TAF4: variants seen among roughly 807,000 people sequenced by gnomAD.
The protein encoded by TAF4 is TATA-box binding protein associated factor 4, also known as transcription initiation factor TFIID subunit 4.
In TAF4, 9 loss-of-function variants were observed where a neutral mutation model predicts 90.3. The ratio of observed to expected loss-of-function variants is 0.10; its 90% CI spans 0.06 to 0.17. The LOEUF (loss-of-function observed/expected upper bound fraction) is 0.17. Among genes scored for constraint, TAF4 ranks in the 10% least tolerant of loss-of-function variants. The pLI is 1.00. For missense variants in TAF4, 1,351 were observed against 1,370.7 expected (o/e 0.99, Z 0.23); for synonymous variants, 818 against 638.9 (o/e 1.28, Z -4.23).
intron 1 of TAF4, 112 bp from the exon 2 acceptor site, chr20:62,014,819 A>G: frequency 6.9e-7 from 1 of 1,447,052 alleles, no homozygotes; most frequent in Admixed American, 2.3e-5. Flanking sequence ...AAAGGAAATC[A>G]AGTCTTAAAC....
At chr20:61,985,780 T>C (rs1238418913) in intron 14 of TAF4, among the ~76,000 whole-genome samples, 1 of 150,080 alleles carries the variant, frequency 6.7e-6, no homozygotes, top group Non-Finnish European at 1.5e-5. Context: ...TGCAGACGAG[T>C]GTTTGTGTGT....
Position 62,064,507 on chromosome 20 carries a change from C to T in TAF4, c.1304G>A (p.Arg435His), listed in dbSNP as rs1568946663. ...ATLTPTVLAP[R>H]LPQPPQNPTN... ...CGGGTTCTGAGGCGGCTGCGGCAAG[C>T]GGGGGGCCAGCACGGTGGGCGTCAG... is the stretch of plus-strand genomic sequence containing the variant. Residue 435 changes from arginine (R) to histidine (H), a missense_variant, in exon 1 of 15, where the codon CGC (arginine) becomes CAC (histidine). By Grantham distance (29) the Arg-to-His change is conservative. This residue lies in a region of TAF4 where 782 missense variants were observed against 536.6 expected (regional missense o/e 1.46). Coordinates refer to ENST00000252996, the MANE Select transcript of TAF4 (RefSeq NM_003185.4). The T allele has an allele frequency of 2.0e-6, 3 of 1,517,266 alleles. No individual in the cohort carries two copies. The highest frequency in any genetic ancestry group is 2.6e-6 in the Non-Finnish European group (3 of 1,134,612). 94.0% of individuals were successfully genotyped at this position (1,517,266 alleles called of 1,614,324 possible).
At chr20:62,039,695 A>G (rs1345427500) in intron 1 of TAF4, among the ~76,000 whole-genome samples, 2 of 152,254 alleles carry the variant, frequency 1.3e-5, no homozygotes, top group African/African-American at 4.8e-5. Context: ...CATGCAGCTA[A>G]AAGAAAAGGC....
chr20:62,034,813 T>C (rs1018194102), intron 1 of TAF4, among the ~76,000 whole-genome samples: 2 of 151,196 alleles, frequency 1.3e-5, no homozygotes, highest in African/African-American at 4.9e-5. Flanking sequence ...ATATAGTCAC[T>C]ATCTCATAGA....
intron 1 of TAF4, among the ~76,000 whole-genome samples, chr20:62,043,212 G>C (rs535873711): frequency 6.6e-6 from 1 of 152,168 alleles, no homozygotes; most frequent in Non-Finnish European, 1.5e-5. Context: ...CCAGCTATCC[G>C]GGAGCCTGAG....
At chr20:61,997,694 G>T in intron 13 of TAF4, 25 bp from the exon 14 acceptor site, 2 of 1,602,006 alleles carry the variant, frequency 1.2e-6, no homozygotes, top group Non-Finnish European at 1.7e-6. Flanking sequence ...AGGAGACAAG[G>T]AGCATCATTT....
chr20:62,010,086 C>G lies in TAF4; in HGVS notation c.1721G>C (p.Arg574Pro), dbSNP rs888972140. The change falls in exon 4 of 15, where the codon CGC (arginine) becomes CCC (proline). Residue 574 changes from arginine to proline, a missense_variant. Physicochemically the swap from Arg to Pro is moderately radical, Grantham distance 103 (BLOSUM62 -2). Coordinates refer to ENST00000252996, the MANE Select transcript of TAF4 (RefSeq NM_003185.4). The surrounding 1 kb of genome is among the most constrained non-coding windows in gnomAD (Gnocchi z 4.5). ...AGTGGTGGTCGCCCCTGGTACCGTG[C>G]GCTGAGGAGTCCCCGTCTGAACAGC... ...ATAVQTGTPQ[R>P]TVPGATTTSS... 1.9e-6 allele frequency: 3 copies of G among 1,613,550 alleles called. No individual in the cohort carries two copies. The highest frequency in any genetic ancestry group is 1.1e-5 in the South Asian group (1 of 91,066).
At chr20:62,024,929 C>T (rs2145487921) in intron 1 of TAF4, among the ~76,000 whole-genome samples, 1 of 151,720 alleles carries the variant, frequency 6.6e-6, no homozygotes, top group Non-Finnish European at 1.5e-5. Context: ...CAGACGGATG[C>T]AAATGAGCAC....
chr20:61,979,766 G>A (rs567361211), intron 14 of TAF4, among the ~76,000 whole-genome samples: 23 of 147,866 alleles, frequency 1.6e-4, no homozygotes, highest in Admixed American at 3.3e-4. Flanking sequence ...ATGTGCAGGC[G>A]CCGTGGCCAC....
intron 1 of TAF4, among the ~76,000 whole-genome samples, chr20:62,041,241 T>A (rs2055962028): frequency 6.6e-6 from 1 of 152,212 alleles, no homozygotes; most frequent in Non-Finnish European, 1.5e-5. Flanking sequence ...ATCCTCAATC[T>A]GTGCACTTAC....
At chr20:62,015,817 G>A (rs770433031) in intron 1 of TAF4, among the ~76,000 whole-genome samples, 14 of 152,202 alleles carry the variant, frequency 9.2e-5, no homozygotes, top group Non-Finnish European at 1.3e-4. Flanking sequence ...CAGGGCTGTC[G>A]GCTCCAGCTC....
intron 1 of TAF4, among the ~76,000 whole-genome samples, chr20:62,039,459 G>C (rs1238193916): frequency 6.6e-6 from 1 of 152,200 alleles, no homozygotes; most frequent in Admixed American, 6.5e-5. Flanking sequence ...GGTTGAGTAA[G>C]AGCTAAAGCC....
chr20:62,030,337 A>C lies in TAF4; in HGVS notation c.1361-15630T>G, dbSNP rs147729806. Among the ~76,000 whole-genome samples the C allele has an allele frequency of 3.4e-4, 52 of 152,352 alleles. 2 individuals are homozygous for C. The East Asian group carries it at 8.5e-3, about 25-fold the overall frequency. ...AAGCATCACAGACGTCACCACCCAG[A>C]GTCAGGACACCACAGCCTTTTCATG... On this transcript the variant is annotated intron_variant, in intron 1 of 14. Transcript: ENST00000252996.
In TAF4 at chr20:62,065,700, C is replaced by T; in HGVS notation, c.111G>A (p.Ala37=). 2 of 1,272,798 alleles carry T rather than the reference C, an allele frequency of 1.6e-6. No homozygotes were observed. The highest frequency in any genetic ancestry group is 2.0e-6 in the Non-Finnish European group (2 of 989,592). The allele number at this position is 1,272,798 out of a possible 1,614,324, so 78.8% of individuals were successfully genotyped here. ...GCGGCGCGAGGTGGTGGTGGTGGGC[C>T]GCGCTGGCCGCCAGCTGCGACTCCA... ...GSLESQLAAS[A]AHHHHLAPRT... Residue 37 remains alanine (A), a synonymous_variant, in exon 1 of 15, where the codon GCG becomes GCA. Coordinates refer to ENST00000252996, the MANE Select transcript of TAF4 (RefSeq NM_003185.4).
At chr20:61,985,737 T>C (rs2055584962) in intron 14 of TAF4, among the ~76,000 whole-genome samples, 1 of 149,878 alleles carries the variant, frequency 6.7e-6, no homozygotes, top group Non-Finnish European at 1.5e-5. Context: ...TGAGGAGAAG[T>C]GAGAAGGCCG....
At chr20:62,053,317 A>T (rs2056040706) in intron 1 of TAF4, among the ~76,000 whole-genome samples, 1 of 72,800 alleles carries the variant, frequency 1.4e-5, no homozygotes, top group Non-Finnish European at 3.0e-5. Flanking sequence ...CCAGGAGCCC[A>T]TGAGGCCGCG....
chr20:62,001,668 C>G (rs1315920984), intron 9 of TAF4, among the ~76,000 whole-genome samples: 1 of 152,152 alleles, frequency 6.6e-6, no homozygotes, highest in Admixed American at 6.5e-5. Context: ...CTTGGCATCC[C>G]TGGTGGTCAC....
chr20:62,054,402 G>A (rs1195046811), intron 1 of TAF4, among the ~76,000 whole-genome samples: 1 of 152,190 alleles, frequency 6.6e-6, no homozygotes, highest in Admixed American at 6.5e-5. Flanking sequence ...GCGGCAGGAA[G>A]GCGAGGACTG....
rs910767107 is a variant in TAF4 at position 62,064,526 on chromosome 20, G to A, written c.1285C>T (p.Pro429Ser). ...TTSGIRATLT[P>S]TVLAPRLPQP... The stretch of plus-strand genomic sequence containing the variant: ...GGCAAGCGGGGGGCCAGCACGGTGG[G>A]CGTCAGGGTGGCCCGAATCCCGCTG... The change falls in exon 1 of 15, where the codon CCC becomes TCC. Residue 429 changes from proline to serine, a missense_variant. By Grantham distance (74) the Pro-to-Ser change is moderately conservative. Coordinates refer to ENST00000252996, the MANE Select transcript of TAF4 (RefSeq NM_003185.4). The A allele has an allele frequency of 5.9e-6, 9 of 1,530,832 alleles. No homozygotes were observed. Among genetic ancestry groups the A allele is most frequent in the African/African-American group, 1.4e-5 (1 of 71,454 alleles). The allele number at this position is 1,530,832 out of a possible 1,614,324, so 94.8% of individuals were successfully genotyped here.
Sources: gnomAD v4.1 joint callset for allele counts (sites outside exome capture counted in the v4.1 genomes callset) on GRCh38, gnomAD v4.1.1 for gene constraint, gnomAD v4.1.1 regional missense constraint, Gnocchi (gnomAD v3.1) non-coding constraint, MANE v1.5 for transcripts, NCBI Gene and HGNC (gene_info 2026-07-23, HGNC 2026-07-21) for gene names.